Variants in TP53BP1 observed in about 807,000 individuals in gnomAD.
The protein encoded by TP53BP1 is TP53-binding protein 1.
A neutral mutation model predicts 200.8 loss-of-function variants in TP53BP1; 61 were observed. That is an observed-to-expected ratio of 0.30 (90% CI 0.25 to 0.38). The LOEUF (loss-of-function observed/expected upper bound fraction) is 0.38. Among genes scored for constraint, TP53BP1 ranks in the 10% least tolerant of loss-of-function variants. The pLI is 1.00. For missense variants in TP53BP1, 2,144 were observed against 2,371.9 expected (o/e 0.90, Z 2.00); for synonymous variants, 822 against 844.3 (o/e 0.97, Z 0.46).
chr15:43,414,712 CTT>C (rs199952419), intron 23 of TP53BP1, among the ~76,000 whole-genome samples: 8 of 145,114 alleles, frequency 5.5e-5, no homozygotes, highest in East Asian at 4.0e-4. Flanking sequence ...TGAAATATGA[CTT>C]TTTTTTTTTT....
chr15:43,410,986 T>C (rs987293175), intron 24 of TP53BP1, among the ~76,000 whole-genome samples: 1 of 152,228 alleles, frequency 6.6e-6, no homozygotes, highest in South Asian at 2.1e-4. Context: ...AGCTTTGTCA[T>C]AGCACCCTTT....
At chr15:43,475,123 T>C (rs978864851) in intron 9 of TP53BP1, among the ~76,000 whole-genome samples, 2 of 152,176 alleles carry the variant, frequency 1.3e-5, no homozygotes, top group Non-Finnish European at 2.9e-5. Flanking sequence ...TTTTGCCTAA[T>C]AATAGTCAGA....
chr15:43,457,487 C>T (rs1365334418), intron 11 of TP53BP1, among the ~76,000 whole-genome samples: 6 of 151,656 alleles, frequency 4.0e-5, no homozygotes, highest in South Asian at 2.1e-4. Flanking sequence ...GCATTCAACA[C>T]GGTGAAACCC....
intron 24 of TP53BP1, among the ~76,000 whole-genome samples, chr15:43,412,360 C>A (rs690276): frequency 6.6e-6 from 1 of 152,038 alleles, no homozygotes; most frequent in East Asian, 1.9e-4. Context: ...CTAACTTGTA[C>A]AACATCATTC....
chr15:43,410,813 A>G (rs1349435986), intron 24 of TP53BP1, among the ~76,000 whole-genome samples: 2 of 152,120 alleles, frequency 1.3e-5, no homozygotes, highest in East Asian at 3.9e-4. Flanking sequence ...CCGAGGCCCC[A>G]GGTCAGGGGT....
Position 43,442,987 on chromosome 15 carries a change from G to A in TP53BP1, c.3041-1404C>T, listed in dbSNP as rs939215074. Reference sequence around the variant, plus strand: ...ATTACAGGTACCTGCCACCATGTCCGGCTAATTTTTATATTTTTAGTAGAG... The same window carrying A: ...ATTACAGGTACCTGCCACCATGTCCAGCTAATTTTTATATTTTTAGTAGAG... On this transcript the variant is annotated intron_variant, in intron 14 of 27. Coordinates refer to ENST00000382044, the MANE Select transcript of TP53BP1 (RefSeq NM_001141980.3). 4.0e-5 allele frequency among the ~76,000 whole-genome samples: 6 copies of A among 149,492 alleles called. No homozygotes were observed. The South Asian group carries it at 6.4e-4, about 16-fold the overall frequency.
chr15:43,453,520 C>T (rs2046221307), intron 12 of TP53BP1, among the ~76,000 whole-genome samples: 1 of 147,482 alleles, frequency 6.8e-6, no homozygotes, highest in Admixed American at 6.7e-5. Context: ...CTTTTTAGCT[C>T]TAACATTTCT....
chr15:43,466,800 T>C (rs977682772), intron 11 of TP53BP1, among the ~76,000 whole-genome samples: 32 of 152,178 alleles, frequency 2.1e-4, no homozygotes, highest in Non-Finnish European at 4.1e-4. Context: ...GAGGTTACAG[T>C]GAGCTATGAT....
Position 43,404,393 on chromosome 15 carries a change from CTGAG to C in TP53BP1, c.*2986_*2989del, listed in dbSNP as rs1566905412. 6.2e-7 allele frequency: 1 copy of C among 1,613,800 alleles called. No homozygotes were observed. Among genetic ancestry groups the C allele is most frequent in the East Asian group, 2.2e-5 (1 of 44,886 alleles). On this transcript the variant is annotated 3_prime_UTR_variant, in exon 28 of 28. Transcript: ENST00000382044. The stretch of plus-strand genomic sequence containing the variant: ...TTGGTGAGCTGAAGTGGAATGACAG[CTGAG>C]TCCTTCTCTCTGCAGGGCTTTAGCC...
chr15:43,475,797 T>C, intron 8 of TP53BP1, 103 bp from the exon 9 acceptor site: 1 of 1,373,590 alleles, frequency 7.3e-7, no homozygotes, highest in Non-Finnish European at 1.0e-6. Context: ...CCAACATATT[T>C]CCATATTTCC....
intron 24 of TP53BP1, among the ~76,000 whole-genome samples, chr15:43,412,043 A>G (rs999368256): frequency 2.0e-5 from 3 of 152,038 alleles, no homozygotes; most frequent in African/African-American, 7.2e-5. Context: ...CCTTATTCCC[A>G]CTGTGCCTAT....
chr15:43,404,659 A>G lies in TP53BP1; in HGVS notation c.*2724T>C, dbSNP rs2044797658. 11 of 1,226,298 alleles carry G rather than the reference A, an allele frequency of 9.0e-6. No individual in the cohort carries two copies. Among genetic ancestry groups the G allele is most frequent in the African/African-American group, 1.5e-5 (1 of 65,690 alleles). 76.0% of individuals were successfully genotyped at this position (1,226,298 alleles called of 1,614,324 possible). On this transcript the variant is annotated 3_prime_UTR_variant, in exon 28 of 28. Coordinates refer to ENST00000382044, the MANE Select transcript of TP53BP1 (RefSeq NM_001141980.3). Reference sequence around the variant, plus strand: ...ACTTTAGTCCAAATACCCTCATTTTATAAGTAAGGCTTAGAGATAGAGGTG... The same window carrying G: ...ACTTTAGTCCAAATACCCTCATTTTGTAAGTAAGGCTTAGAGATAGAGGTG...
chr15:43,437,478 G>C (rs541392431), intron 16 of TP53BP1, among the ~76,000 whole-genome samples: 13 of 152,030 alleles, frequency 8.6e-5, no homozygotes, highest in Non-Finnish European at 1.6e-4. Context: ...ACAAAGAATA[G>C]AAAAATTAGC....
In TP53BP1 at chr15:43,406,340, C is replaced by T. The variant is rs1392713773; in HGVS notation, c.*1043G>A. On this transcript the variant is annotated 3_prime_UTR_variant, in exon 28 of 28. Transcript: ENST00000382044. ...CATCTGGTTTTCATCACTACATATT[C>T]TACACACACTGGGAAGCTCTGACAA... 1 of 304,378 alleles carries T rather than the reference C, an allele frequency of 3.3e-6. No individual in the cohort carries two copies. Among genetic ancestry groups the T allele is most frequent in the African/African-American group, 2.2e-5 (1 of 45,746 alleles). 18.9% of individuals were successfully genotyped at this position (304,378 alleles called of 1,614,324 possible).
chr15:43,482,361 C>T (rs560722249), intron 4 of TP53BP1, among the ~76,000 whole-genome samples: 1 of 152,294 alleles, frequency 6.6e-6, no homozygotes, highest in Non-Finnish European at 1.5e-5. Context: ...CAAGGCCAGG[C>T]GCAGGGGCTT....
At position 43,408,270 on chromosome 15, in the gene TP53BP1, G is replaced by A. The variant is rs190749060; in HGVS notation, c.5601-182C>T. 746 of 603,424 alleles carry A rather than the reference G, an allele frequency of 1.2e-3. 3 individuals carry two copies. The African/African-American group carries it at 0.013, about 10-fold the overall frequency. The allele number at this position is 603,424 out of a possible 1,614,324, so 37.4% of individuals were successfully genotyped here. A position where few individuals can be genotyped will look rare whatever the true frequency, so the allele number is the denominator to read the frequency against. ...TCGTGGTTGGATCTCTTGGGCCTGG[G>A]AGTTCGAGACCAGCCTGGGCAATGT... On this transcript the variant is annotated intron_variant, in intron 26 of 27. Transcript: ENST00000382044.
rs1173359521 is a variant in TP53BP1, at chr15:43,405,569, A to C, written c.*1814T>G. ...CGGTAAACAAACAATATAGAGCAGAAAGTTAAATATTTTATGGTTCATATG... is the reference window on the plus strand; with the variant it reads ...CGGTAAACAAACAATATAGAGCAGACAGTTAAATATTTTATGGTTCATATG... On this transcript the variant is annotated 3_prime_UTR_variant, in exon 28 of 28. Transcript: ENST00000382044. 1.2e-5 allele frequency: 3 copies of C among 244,106 alleles called. No individual in the cohort carries two copies. The highest frequency in any genetic ancestry group is 2.4e-5 in the Non-Finnish European group (3 of 126,794). 15.1% of individuals were successfully genotyped at this position (244,106 alleles called of 1,614,324 possible).
chr15:43,456,527 A>G lies in TP53BP1; in HGVS notation c.2081T>C (p.Leu694Ser), dbSNP rs763209359. The change falls in exon 12 of 28, where the codon TTG becomes TCG. Residue 694 changes from leucine (L) to serine (S), a missense_variant. Around this residue, in one of 4 missense-constraint regions of TP53BP1, gnomAD observed 1,700 missense variants for 1,710.3 expected, o/e 0.99. Coordinates refer to ENST00000382044, the MANE Select transcript of TP53BP1 (RefSeq NM_001141980.3). ...CTGAGTTTCAGTCAGAGAAAGGTGC[A>G]ACGGAACACTCTCCATATTTTCTTC... ...LKEENMESVP[L>S]HLSLTETQSQ... is the part of the protein sequence containing the mutation. The G allele has an allele frequency of 6.2e-7, 1 of 1,605,338 alleles. No individual in the cohort carries two copies. The highest frequency in any genetic ancestry group is 1.7e-5 in the Admixed American group (1 of 58,726).
At position 43,432,498 on chromosome 15, in the gene TP53BP1, G is replaced by T; in HGVS notation, c.3371C>A (p.Ala1124Glu). ...GTCTTCTAGCACATCTGTCACCATT[G>T]CCTCTCCTTGAGGACTGGATGGCCC... The part of the protein sequence containing the change: ...IQGPSSPQGE[A>E]MVTDVLEDQK... The change falls in exon 17 of 28, where the codon GCA (alanine) becomes GAA (glutamate). Residue 1124 changes from alanine (A) to glutamate (E), a missense_variant. By Grantham distance (107) the Ala-to-Glu change is moderately radical. This residue lies in a region of TP53BP1 where 1,700 missense variants were observed against 1,710.3 expected (regional missense o/e 0.99). Coordinates refer to ENST00000382044, the MANE Select transcript of TP53BP1 (RefSeq NM_001141980.3). 1.2e-6 allele frequency: 2 copies of T among 1,614,126 alleles called. No homozygotes were observed. Among genetic ancestry groups the T allele is most frequent in the Non-Finnish European group, 1.7e-6 (2 of 1,180,022 alleles).
Sources: allele counts gnomAD v4.1 joint callset (sites outside exome capture counted in the v4.1 genomes callset), GRCh38; gene constraint gnomAD v4.1.1; regional missense constraint gnomAD v4.1.1; transcripts MANE v1.5; gene names NCBI Gene and HGNC (gene_info 2026-07-23, HGNC 2026-07-21).